Variants in ZNF782 observed in about 807,000 individuals in gnomAD.
ZNF782 encodes the protein zinc finger protein 782.
Under a neutral mutation model 13.0 loss-of-function variants are expected in ZNF782, and 12 were observed. The ratio of observed to expected loss-of-function variants is 0.92; its 90% CI spans 0.59 to 1.50. The LOEUF is 1.50. ZNF782 is among the 40% of genes most tolerant of loss of function. The pLI, the probability that ZNF782 is intolerant of heterozygous loss-of-function variation, is 0.00. For synonymous variants in ZNF782, 284 were observed against 283.0 expected (o/e 1.00, Z -0.04); for missense variants, 770 against 822.9 (o/e 0.94, Z 0.79).
chr9:96,839,353 AAG>A (rs1489985043), intron 4 of ZNF782, among the ~76,000 whole-genome samples: 3 of 149,740 alleles, frequency 2.0e-5, no homozygotes, highest in Non-Finnish European at 4.5e-5. Context: ...AAAACTGAGA[AAG>A]AGGTGTCATT....
At chr9:96,891,283 A>G in the ZNF782 span, 1 of 152,232 alleles carries the variant, frequency 6.6e-6, no homozygotes, top group Admixed American at 6.5e-5. Context: ...TATATTATGT[A>G]TATTTTACCA....
chr9:96,894,153 T>C, the ZNF782 span: 1 of 151,812 alleles, frequency 6.6e-6, no homozygotes, highest in Non-Finnish European at 1.5e-5. Flanking sequence ...TGAGAACACA[T>C]GGACACAGGG....
chr9:96,897,680 G>A, the ZNF782 span, among the ~76,000 whole-genome samples: 2 of 148,058 alleles, frequency 1.4e-5, no homozygotes, highest in Non-Finnish European at 2.9e-5. Context: ...GCTTGTCCCG[G>A]TGGTGCTCCA....
intron 3 of ZNF782, among the ~76,000 whole-genome samples, chr9:96,846,811 C>T (rs982428377): frequency 4.6e-5 from 7 of 152,194 alleles, no homozygotes; most frequent in South Asian, 2.1e-4. Flanking sequence ...AAGAAACAAT[C>T]GACTTAAACA....
the ZNF782 span, chr9:96,895,578 T>C: frequency 6.7e-6 from 1 of 148,736 alleles, no homozygotes; most frequent in African/African-American, 2.6e-5. Flanking sequence ...TATAGCACTT[T>C]ACCAAGTTGA....
the ZNF782 span, among the ~76,000 whole-genome samples, chr9:96,905,647 G>A: frequency 6.6e-6 from 1 of 151,512 alleles, no homozygotes; most frequent in African/African-American, 2.4e-5. Context: ...GTACAGTGGC[G>A]CGATCTTGGC....
At chr9:96,882,000 T>C in the ZNF782 span, among the ~76,000 whole-genome samples, 7 of 151,682 alleles carry the variant, frequency 4.6e-5, no homozygotes, top group East Asian at 1.4e-3. Context: ...TGTGTGTGTG[T>C]GTGTGTGTGT....
At chr9:96,927,236 T>C in the ZNF782 span, among the ~76,000 whole-genome samples, 2 of 152,250 alleles carry the variant, frequency 1.3e-5, no homozygotes, top group African/African-American at 4.8e-5. Flanking sequence ...AGGGGATGCA[T>C]GAGAATGGGG....
At position 96,817,989 on chromosome 9, in the gene ZNF782, T is replaced by C. The variant is rs746610989; in HGVS notation, c.2034A>G (p.Lys678=). 12 of 1,608,650 alleles carry C rather than the reference T, an allele frequency of 7.5e-6. No homozygotes were observed. The highest frequency in any genetic ancestry group is 1.1e-5 in the South Asian group (1 of 89,848). ...HTGEKPYKCD[K]CGRTFSQKSS... ...ATTTTTGACTGAAAGTTCTCCCACA[T>C]TTATCACATTTATAGGGTTTCTCCC... The change falls in exon 6 of 6, where the codon AAA becomes AAG. Residue 678 remains lysine (K), a synonymous_variant. Coordinates refer to ENST00000481138, the MANE Select transcript of ZNF782 (RefSeq NM_001001662.3).
At chr9:96,851,036 G>A (rs1056345312) in intron 3 of ZNF782, among the ~76,000 whole-genome samples, 1 of 152,028 alleles carries the variant, frequency 6.6e-6, no homozygotes, top group Admixed American at 6.6e-5. Context: ...ATTTGTGTAT[G>A]CAAGGTGGTT....
the ZNF782 span, among the ~76,000 whole-genome samples, chr9:96,929,533 A>G: frequency 2.6e-5 from 4 of 151,440 alleles, no homozygotes; most frequent in African/African-American, 9.7e-5. Context: ...GCTGTGACAG[A>G]GCATGTAGTG....
intron 4 of ZNF782, among the ~76,000 whole-genome samples, chr9:96,841,722 C>A (rs1851196255): frequency 6.6e-6 from 1 of 151,806 alleles, no homozygotes; most frequent in Non-Finnish European, 1.5e-5. Flanking sequence ...AGAAGAAGTT[C>A]CACCATTTGA....
At chr9:96,905,626 G>A in the ZNF782 span, among the ~76,000 whole-genome samples, 3 of 151,564 alleles carry the variant, frequency 2.0e-5, no homozygotes, top group African/African-American at 7.3e-5. Flanking sequence ...CACCTAGGCT[G>A]GAGTGCTGGA....
chr9:96,893,999 CAA>C, the ZNF782 span: 2,059 of 48,792 alleles, frequency 0.042, 80 homozygotes, highest in East Asian at 0.33. Context: ...GACTCCGTCT[CAA>C]AAAAAAAAAA....
At chr9:96,897,088 G>A in the ZNF782 span, among the ~76,000 whole-genome samples, 2 of 152,302 alleles carry the variant, frequency 1.3e-5, no homozygotes, top group African/African-American at 4.8e-5. Context: ...CACATGAAGT[G>A]GTATACAGTT....
At position 96,844,939 on chromosome 9, in the gene ZNF782, G is replaced by A. The variant is rs576417091; in HGVS notation, c.93C>T (p.Thr31=). Residue 31 remains threonine (T), a synonymous_variant, in exon 4 of 6, where the codon ACC becomes ACT. Coordinates refer to ENST00000481138, the MANE Select transcript of ZNF782 (RefSeq NM_001001662.3). ...TCTCCAGCATCACATCTCTGTACAG[G>A]GTCCTCTCAACAGGGCCCATGTGCT... ...EWQHMGPVER[T]LYRDVMLENY... is the part of the protein sequence containing the mutation. 8.1e-6 allele frequency: 13 copies of A among 1,613,840 alleles called. No individual in the cohort carries two copies. The African/African-American group carries it at 9.3e-5, about 12-fold the overall frequency.
chr9:96,909,631 C>A, the ZNF782 span, among the ~76,000 whole-genome samples: 3 of 151,604 alleles, frequency 2.0e-5, no homozygotes, highest in Non-Finnish European at 4.4e-5. Context: ...TTAGGAAAGC[C>A]TGAAAGTAAA....
chr9:96,930,872 G>GTTTTTTTTT, the ZNF782 span, among the ~76,000 whole-genome samples: 26 of 72,724 alleles, frequency 3.6e-4, 7 homozygotes, highest in African/African-American at 6.3e-4. Context: ...CCATCCAGTG[G>GTTTTTTTTT]TTTTTTTTTT....
At chr9:96,880,849 A>G in the ZNF782 span, among the ~76,000 whole-genome samples, 1 of 152,184 alleles carries the variant, frequency 6.6e-6, no homozygotes, top group Admixed American at 6.5e-5. Context: ...TAATTTATGT[A>G]AAACTGATGT....
Sources: allele counts gnomAD v4.1 joint callset (sites outside exome capture counted in the v4.1 genomes callset), GRCh38; gene constraint gnomAD v4.1.1; transcripts MANE v1.5; gene names NCBI Gene and HGNC (gene_info 2026-07-23, HGNC 2026-07-21).